The following GULP1 variants were observed in gnomAD, a reference collection of about 807,000 sequenced individuals.
The protein encoded by GULP1 is GULP PTB domain containing engulfment adaptor 1, also known as PTB domain-containing engulfment adapter protein 1.
A neutral mutation model predicts 40.9 loss-of-function variants in GULP1; 19 were observed. That is an observed-to-expected ratio of 0.46 (90% confidence interval 0.32 to 0.68). The LOEUF (loss-of-function observed/expected upper bound fraction) is 0.68, where lower values mean the gene tolerates loss of function less well. Ranked by LOEUF, GULP1 falls within the 30% of genes least tolerant of loss-of-function variation. The probability of loss-of-function intolerance (pLI) is 0.03; values close to 1 mark genes in which losing one functional copy is unlikely to be tolerated. For synonymous variants in GULP1, 119 were observed against 117.6 expected (o/e 1.01, Z -0.08); for missense variants, 312 against 362.2 (o/e 0.86, Z 1.12).
At chr2:188,391,919 C>G (rs1357962831) in intron 2 of GULP1, among the ~76,000 whole-genome samples, 2 of 151,576 alleles carry the variant, frequency 1.3e-5, no homozygotes, top group African/African-American at 2.4e-5. Flanking sequence ...GCATTATTGA[C>G]TTGTGTATGT....
chr2:188,355,284 G>T (rs1574666381), intron 1 of GULP1, among the ~76,000 whole-genome samples: 1 of 151,906 alleles, frequency 6.6e-6, no homozygotes, highest in East Asian at 1.9e-4. Flanking sequence ...CAAACCATTG[G>T]CTAGACTAAG....
intron 1 of GULP1, among the ~76,000 whole-genome samples, chr2:188,337,063 T>A (rs2042350927): frequency 6.6e-6 from 1 of 152,066 alleles, no homozygotes; most frequent in Non-Finnish European, 1.5e-5. Flanking sequence ...AACCAGAAAC[T>A]TGCTTCTCCT....
At chr2:188,342,728 A>T (rs2043135231) in intron 1 of GULP1, among the ~76,000 whole-genome samples, 1 of 152,194 alleles carries the variant, frequency 6.6e-6, no homozygotes, top group South Asian at 2.1e-4. Context: ...TTAATGCCAC[A>T]GCTATCCTCC....
intron 4 of GULP1, among the ~76,000 whole-genome samples, chr2:188,509,256 G>T (rs139377687): frequency 8.5e-4 from 129 of 152,152 alleles, no homozygotes; most frequent in African/African-American, 3.0e-3. Flanking sequence ...ATATGTTCCA[G>T]CTCAGAGTGT....
At chr2:188,448,358 C>A (rs186591124) in intron 2 of GULP1, among the ~76,000 whole-genome samples, 10 of 151,932 alleles carry the variant, frequency 6.6e-5, no homozygotes, top group African/African-American at 2.2e-4. Context: ...AATAATTTTC[C>A]CATGTCACTG....
chr2:188,528,112 G>C (rs1000782518), intron 5 of GULP1, among the ~76,000 whole-genome samples: 5 of 152,138 alleles, frequency 3.3e-5, no homozygotes. Context: ...GGTGATTGCA[G>C]AGGAGAGAAG....
intron 8 of GULP1, chr2:188,569,658 A>G: frequency 7.8e-6 from 3 of 383,914 alleles, no homozygotes; most frequent in Non-Finnish European, 1.4e-5. Flanking sequence ...GTGGTTTTCC[A>G]TGCAGATCAG....
intron 1 of GULP1, among the ~76,000 whole-genome samples, chr2:188,329,677 C>G (rs774772763): frequency 2.0e-5 from 3 of 152,030 alleles, no homozygotes; most frequent in Non-Finnish European, 4.4e-5. Flanking sequence ...GTCACTTTTG[C>G]TACTATTTGG....
intron 3 of GULP1, among the ~76,000 whole-genome samples, chr2:188,478,596 A>G (rs2061215000): frequency 6.6e-6 from 1 of 152,118 alleles, no homozygotes. Context: ...AAAAATGACA[A>G]GTTAGGCCTT....
At chr2:188,501,833 G>C (rs1282767897) in intron 4 of GULP1, among the ~76,000 whole-genome samples, 2 of 151,856 alleles carry the variant, frequency 1.3e-5, no homozygotes, top group Non-Finnish European at 2.9e-5. Context: ...ATTCCTGAAA[G>C]TTGCCAAAAC....
Position 188,325,868 on chromosome 2 carries a change from T to C in GULP1, c.-172+33702T>C, listed in dbSNP as rs1559113296. ...ATGTTTATCAGCACTTAACTCTTCA[T>C]AGATCCTTGATTTCTGAGCCTCTGA... is the stretch of plus-strand genomic sequence containing the variant. On this transcript the variant is annotated intron_variant, in intron 1 of 11. Coordinates refer to ENST00000409830, the MANE Select transcript of GULP1 (RefSeq NM_016315.4). Among the ~76,000 whole-genome samples, 5 of 152,318 alleles carry C rather than the reference T, an allele frequency of 3.3e-5. No individual in the cohort carries two copies. The South Asian group carries it at 1.0e-3, about 32-fold the overall frequency.
chr2:188,394,729 G>T (rs1016334807), intron 2 of GULP1, among the ~76,000 whole-genome samples: 3 of 152,108 alleles, frequency 2.0e-5, no homozygotes, highest in Non-Finnish European at 2.9e-5. Context: ...CTCCATTAAG[G>T]ATGTGACTTT....
intron 2 of GULP1, among the ~76,000 whole-genome samples, chr2:188,458,099 A>G (rs1428640306): frequency 1.3e-5 from 2 of 152,126 alleles, no homozygotes; most frequent in Non-Finnish European, 2.9e-5. Context: ...ACACTTTCCC[A>G]TCACCAAATC....
At chr2:188,393,071 T>C (rs951801735) in intron 2 of GULP1, among the ~76,000 whole-genome samples, 3 of 152,064 alleles carry the variant, frequency 2.0e-5, no homozygotes, top group Admixed American at 2.0e-4. Context: ...TTGGATAGAA[T>C]GTTCTGTAAA....
intron 2 of GULP1, among the ~76,000 whole-genome samples, chr2:188,404,606 C>T (rs897224634): frequency 6.6e-6 from 1 of 152,188 alleles, no homozygotes; most frequent in Non-Finnish European, 1.5e-5. Context: ...GGACAGATCC[C>T]TCAGCCTCAG....
chr2:188,307,824 G>A (rs2037369877), intron 1 of GULP1, among the ~76,000 whole-genome samples: 1 of 152,188 alleles, frequency 6.6e-6, no homozygotes, highest in Non-Finnish European at 1.5e-5. Flanking sequence ...ACTTCAGAAG[G>A]AGAATCCTGT....
intron 7 of GULP1, among the ~76,000 whole-genome samples, chr2:188,567,036 A>G (rs1441514049): frequency 6.6e-6 from 1 of 152,126 alleles, no homozygotes; most frequent in Non-Finnish European, 1.5e-5. Flanking sequence ...AAAAAAACTC[A>G]ACATCACTGA....
intron 4 of GULP1, among the ~76,000 whole-genome samples, chr2:188,489,469 T>C (rs2062158396): frequency 6.6e-6 from 1 of 152,100 alleles, no homozygotes. Flanking sequence ...AATTTGGTGT[T>C]ACATGACCTT....
intron 2 of GULP1, among the ~76,000 whole-genome samples, chr2:188,427,795 T>A (rs891783133): frequency 2.0e-5 from 3 of 152,214 alleles, no homozygotes; most frequent in Non-Finnish European, 4.4e-5. Flanking sequence ...AATGTGTGGT[T>A]GAAGCCCCCA....
Sources: gnomAD v4.1 joint callset for allele counts (sites outside exome capture counted in the v4.1 genomes callset) on GRCh38, gnomAD v4.1.1 for gene constraint, MANE v1.5 for transcripts, NCBI Gene and HGNC (gene_info 2026-07-23, HGNC 2026-07-21) for gene names.